The following COL23A1 variants were observed in gnomAD, a reference collection of about 807,000 sequenced individuals.
COL23A1 encodes the protein collagen alpha-1(XXIII) chain.
A neutral mutation model predicts 99.3 loss-of-function variants in COL23A1; 97 were observed. The ratio of observed to expected loss-of-function variants is 0.98; its 90% CI spans 0.83 to 1.16. The LOEUF is 1.16. COL23A1 is among the 50% of genes most tolerant of loss of function. COL23A1 has a pLI of 0.00. For missense variants in COL23A1, 762 were observed against 757.4 expected, an observed-to-expected ratio of 1.01 and a Z score of -0.07; for synonymous variants, 320 against 308.2, an observed-to-expected ratio of 1.04 and a Z score of -0.40.
intron 2 of COL23A1, among the ~76,000 whole-genome samples, chr5:178,506,575 G>A (rs959747580): frequency 2.6e-5 from 4 of 152,212 alleles, no homozygotes; most frequent in Non-Finnish European, 5.9e-5. Context: ...GGCCTGGTGT[G>A]GGGCTGTGGT....
chr5:178,440,750 A>G (rs1339656316), intron 2 of COL23A1, among the ~76,000 whole-genome samples: 1 of 151,742 alleles, frequency 6.6e-6, no homozygotes, highest in Non-Finnish European at 1.5e-5. Flanking sequence ...TGAGCAGCTA[A>G]GATTACAGGT....
At chr5:178,453,348 T>C (rs1485591307) in intron 2 of COL23A1, among the ~76,000 whole-genome samples, 4 of 152,184 alleles carry the variant, frequency 2.6e-5, no homozygotes, top group African/African-American at 9.6e-5. Context: ...GGGGGTATCA[T>C]GTTCTTCCAG....
chr5:178,299,623 T>C (rs1021095397), intron 3 of COL23A1, among the ~76,000 whole-genome samples: 1 of 152,174 alleles, frequency 6.6e-6, no homozygotes, highest in Non-Finnish European at 1.5e-5. Context: ...TTTTCTCTAC[T>C]GTTTTTCTAT....
chr5:178,472,645 G>A (rs1189900045), intron 2 of COL23A1, among the ~76,000 whole-genome samples: 5 of 152,060 alleles, frequency 3.3e-5, no homozygotes, highest in Admixed American at 3.3e-4. Context: ...AAAGGTAAGT[G>A]TTAGTATTCC....
chr5:178,402,283 G>C (rs1673721685), intron 2 of COL23A1, among the ~76,000 whole-genome samples: 1 of 152,134 alleles, frequency 6.6e-6, no homozygotes, highest in Non-Finnish European at 1.5e-5. Context: ...TTGAGGCCGG[G>C]AGTTGGAGGC....
At chr5:178,401,028 C>T (rs1272988850) in intron 2 of COL23A1, among the ~76,000 whole-genome samples, 1 of 152,248 alleles carries the variant, frequency 6.6e-6, no homozygotes, top group Non-Finnish European at 1.5e-5. Context: ...TGCCTGGTAA[C>T]CTCCACTCTA....
chr5:178,523,920 A>C (rs1760163211), intron 2 of COL23A1, among the ~76,000 whole-genome samples: 1 of 152,120 alleles, frequency 6.6e-6, no homozygotes, highest in East Asian at 1.9e-4. Context: ...CACTGCAACC[A>C]CTATTTCCTG....
chr5:178,393,360 G>A (rs571333570), intron 2 of COL23A1, among the ~76,000 whole-genome samples: 123 of 152,290 alleles, frequency 8.1e-4, no homozygotes, highest in African/African-American at 2.2e-3. Flanking sequence ...AGTAAATGGT[G>A]GGTGCCAGGG....
At chr5:178,431,127 TG>T (rs1474005808) in intron 2 of COL23A1, among the ~76,000 whole-genome samples, 1 of 151,902 alleles carries the variant, frequency 6.6e-6, no homozygotes, top group Non-Finnish European at 1.5e-5. Context: ...GGATGGCAAG[TG>T]GGTGGGCTGA....
At chr5:178,316,129 G>T (rs1483772281) in intron 2 of COL23A1, among the ~76,000 whole-genome samples, 1 of 151,958 alleles carries the variant, frequency 6.6e-6, no homozygotes, top group Non-Finnish European at 1.5e-5. Context: ...CTTCACGGAT[G>T]GTCATTCCAG....
intron 2 of COL23A1, among the ~76,000 whole-genome samples, chr5:178,414,466 TAAATGTGTAAAA>T (rs151313948): frequency 0.054 from 8,194 of 150,876 alleles, 323 homozygotes; most frequent in Middle Eastern, 0.12. Context: ...CAAAGGCAGG[TAAATGTGTAAAA>T]AAAGGCAACC....
Position 178,286,846 on chromosome 5 carries a change from G to A in COL23A1, c.441+1478C>T, listed in dbSNP as rs192198316. Among the ~76,000 whole-genome samples the A allele has an allele frequency of 1.0e-3, 158 of 152,258 alleles. 2 individuals are homozygous for A. The South Asian group carries it at 0.023, about 22-fold the overall frequency. On this transcript the variant is annotated intron_variant, in intron 5 of 28. Coordinates refer to ENST00000390654, the MANE Select transcript of COL23A1 (RefSeq NM_173465.4). ...AGGCTGGTGGGGAACGGACCGGACCGCTGGGTCACTTTGCTCAGAGGAAAC... is the reference window on the plus strand; with the variant it reads ...AGGCTGGTGGGGAACGGACCGGACCACTGGGTCACTTTGCTCAGAGGAAAC...
intron 2 of COL23A1, among the ~76,000 whole-genome samples, chr5:178,452,895 A>G (rs977292379): frequency 6.6e-6 from 1 of 152,192 alleles, no homozygotes. Flanking sequence ...TTGACCCACG[A>G]TTTCCACTAG....
intron 3 of COL23A1, among the ~76,000 whole-genome samples, chr5:178,290,905 T>G (rs1026052858): frequency 6.6e-6 from 1 of 152,208 alleles, no homozygotes; most frequent in East Asian, 1.9e-4. Flanking sequence ...GTCTACCAGA[T>G]GAGGGCTCAC....
intron 8 of COL23A1, 123 bp downstream of exon 8, chr5:178,267,184 C>T (rs1755948569): frequency 1.9e-6 from 2 of 1,067,232 alleles, no homozygotes; most frequent in Non-Finnish European, 1.4e-6. Flanking sequence ...GGGGAAGAGC[C>T]CTCTTGGCCT....
At chr5:178,252,704 G>T in intron 16 of COL23A1, 107 bp from the exon 17 acceptor site, 2 of 922,636 alleles carry the variant, frequency 2.2e-6, no homozygotes, top group Non-Finnish European at 3.3e-6. Flanking sequence ...GCTGAGCAGA[G>T]CAGGGGCAGG....
intron 2 of COL23A1, among the ~76,000 whole-genome samples, chr5:178,370,424 A>C (rs1762735585): frequency 6.6e-6 from 1 of 152,210 alleles, no homozygotes; most frequent in African/African-American, 2.4e-5. Context: ...AGAAAGACAA[A>C]CACCACATGA....
At position 178,270,303 on chromosome 5, in the gene COL23A1, C is replaced by T. The variant is rs760376225; in HGVS notation, c.468+34G>A. On this transcript the variant is annotated intron_variant, in intron 6 of 28. Coordinates refer to ENST00000390654, the MANE Select transcript of COL23A1 (RefSeq NM_173465.4). ...TAGCCCCACGGTGGCAGCCCCAGCCCAGGACCCCCTGGAATTGCCCTGTCA... is the reference window on the plus strand; with the variant it reads ...TAGCCCCACGGTGGCAGCCCCAGCCTAGGACCCCCTGGAATTGCCCTGTCA... 8.1e-5 allele frequency: 130 copies of T among 1,613,374 alleles called. No individual in the cohort carries two copies. The East Asian group carries it at 2.9e-3, about 35-fold the overall frequency.
At chr5:178,473,461 ATTTTTTTTT>A (rs58255875) in intron 2 of COL23A1, among the ~76,000 whole-genome samples, 5 of 95,092 alleles carry the variant, frequency 5.3e-5, no homozygotes, top group Non-Finnish European at 1.1e-4. Flanking sequence ...CATCCGGCTA[ATTTTTTTTT>A]TTTTTTTTTT....
Sources: gnomAD v4.1 joint callset for allele counts (sites outside exome capture counted in the v4.1 genomes callset) on GRCh38, gnomAD v4.1.1 for gene constraint, MANE v1.5 for transcripts, NCBI Gene and HGNC (gene_info 2026-07-23, HGNC 2026-07-21) for gene names.